The following RGS6 variants were observed in gnomAD, a reference collection of about 807,000 sequenced individuals.
RGS6 encodes the protein regulator of G protein signaling 6, also known as regulator of G-protein signaling 6.
A neutral mutation model predicts 78.5 loss-of-function variants in RGS6; 30 were observed. That is an observed-to-expected ratio of 0.38 (90% confidence interval 0.29 to 0.52). The LOEUF is 0.52. Ranked by LOEUF, RGS6 falls within the 20% of genes least tolerant of loss-of-function variation. RGS6 has a pLI of 0.85. For missense variants in RGS6, 495 were observed against 609.7 expected (o/e 0.81, Z 1.98); for synonymous variants, 206 against 206.0 (o/e 1.00, Z 0.00).
intron 2 of RGS6, among the ~76,000 whole-genome samples, chr14:72,030,656 C>T (rs1393553798): frequency 2.0e-5 from 3 of 152,202 alleles, no homozygotes; most frequent in East Asian, 3.9e-4. Context: ...GAATTATGTA[C>T]CATTATGTAA....
intron 2 of RGS6, among the ~76,000 whole-genome samples, chr14:72,350,071 C>A (rs1453636158): frequency 6.6e-6 from 1 of 152,210 alleles, no homozygotes; most frequent in Non-Finnish European, 1.5e-5. Context: ...CCAGCAGTAA[C>A]TGAGATGATT....
At chr14:72,530,316 G>C (rs1344430770) in intron 15 of RGS6, among the ~76,000 whole-genome samples, 2 of 152,220 alleles carry the variant, frequency 1.3e-5, no homozygotes, top group African/African-American at 4.8e-5. Context: ...CTGTCAGCCA[G>C]AAAGAAGTGA....
intron 2 of RGS6, among the ~76,000 whole-genome samples, chr14:72,113,404 A>G (rs1303893257): frequency 1.3e-5 from 2 of 152,130 alleles, no homozygotes; most frequent in Non-Finnish European, 2.9e-5. Flanking sequence ...TAGCTTTCAA[A>G]CTGTGGTGGG....
rs979853028 is a variant in RGS6, at chr14:72,468,268, A to G, written c.460-1739A>G. On this transcript the variant is annotated intron_variant, in intron 7 of 17. Transcript: ENST00000553525. ...GTGGCACACGCCTGTAGATCCAGCT[A>G]CTCAGGAGGCTGAGGCAGGAGAATC... Among the ~76,000 whole-genome samples, 6 of 152,084 alleles carry G rather than the reference A, an allele frequency of 3.9e-5. No homozygotes were observed. The South Asian group carries it at 1.0e-3, about 26-fold the overall frequency.
intron 2 of RGS6, among the ~76,000 whole-genome samples, chr14:72,273,050 A>G (rs1199427647): frequency 1.3e-5 from 2 of 150,910 alleles, no homozygotes; most frequent in Non-Finnish European, 2.9e-5. Context: ...TGGGAAGCTG[A>G]GGTTGCAGTG....
At chr14:72,189,437 A>G (rs2097294563) in intron 2 of RGS6, among the ~76,000 whole-genome samples, 1 of 152,214 alleles carries the variant, frequency 6.6e-6, no homozygotes, top group East Asian at 1.9e-4. Flanking sequence ...ATATAATTGC[A>G]TGTGTTGATA....
chr14:72,601,007 A>AG, the RGS6 span, among the ~76,000 whole-genome samples: 3 of 116,520 alleles, frequency 2.6e-5, no homozygotes, highest in South Asian at 3.1e-4. Flanking sequence ...AGGAGGGGGG[A>AG]GAGGAGGAGG....
intron 2 of RGS6, among the ~76,000 whole-genome samples, chr14:72,324,086 G>A (rs1386611798): frequency 6.6e-6 from 1 of 151,708 alleles, no homozygotes; most frequent in Non-Finnish European, 1.5e-5. Context: ...ATTACAAATT[G>A]TCACTGACTG....
At chr14:72,607,975 AG>A in the RGS6 span, among the ~76,000 whole-genome samples, 3 of 152,198 alleles carry the variant, frequency 2.0e-5, no homozygotes, top group African/African-American at 7.2e-5. Context: ...CACTTAGGGG[AG>A]GAATAAAAAG....
At chr14:72,457,548 C>T (rs572943817) in intron 4 of RGS6, among the ~76,000 whole-genome samples, 1 of 152,198 alleles carries the variant, frequency 6.6e-6, no homozygotes, top group Non-Finnish European at 1.5e-5. Flanking sequence ...ATCCGCCTGC[C>T]TCTGGATTAC....
chr14:72,244,084 C>G (rs924752148), intron 2 of RGS6, among the ~76,000 whole-genome samples: 1 of 152,074 alleles, frequency 6.6e-6, no homozygotes, highest in African/African-American at 2.4e-5. Flanking sequence ...GCTAAACATA[C>G]GGAGTCAACC....
chr14:72,112,783 T>C (rs2095797606), intron 2 of RGS6, among the ~76,000 whole-genome samples: 1 of 152,174 alleles, frequency 6.6e-6, no homozygotes, highest in African/African-American at 2.4e-5. Flanking sequence ...ATTGATGTGA[T>C]TCCAAAACCC....
At chr14:72,100,403 G>A (rs1469121519) in intron 2 of RGS6, among the ~76,000 whole-genome samples, 1 of 152,162 alleles carries the variant, frequency 6.6e-6, no homozygotes, top group Admixed American at 6.5e-5. Flanking sequence ...GCTGAGGCAG[G>A]AGAATCGCTT....
At chr14:72,461,610 T>C (rs2153234319) in intron 6 of RGS6, among the ~76,000 whole-genome samples, 1 of 152,180 alleles carries the variant, frequency 6.6e-6, no homozygotes, top group South Asian at 2.1e-4. Context: ...GAGGATCACT[T>C]GAGCCCAGGA....
intron 2 of RGS6, among the ~76,000 whole-genome samples, chr14:72,143,797 T>C (rs2096572329): frequency 6.6e-6 from 1 of 152,198 alleles, no homozygotes; most frequent in Admixed American, 6.5e-5. Context: ...GATTAGATAA[T>C]GAAATAAATT....
At chr14:72,355,342 C>T (rs573721501) in intron 3 of RGS6, among the ~76,000 whole-genome samples, 50 of 152,028 alleles carry the variant, frequency 3.3e-4, no homozygotes, top group East Asian at 1.4e-3. Context: ...TACAGGCATC[C>T]GCCACCACAC....
rs113771369 is a variant in RGS6 at position 72,360,243 on chromosome 14, C to T, written c.184+8049C>T. On this transcript the variant is annotated intron_variant, in intron 3 of 17. Coordinates refer to ENST00000553525, the MANE Select transcript of RGS6 (RefSeq NM_001204424.2). ...TCATAGAAAGAAGAAAGGAGGCAGC[C>T]GGGCACAGTGGCTCAGGCCTCTAAT... 5.3e-3 allele frequency among the ~76,000 whole-genome samples: 798 copies of T among 151,672 alleles called. 5 individuals carry two copies. The highest frequency in any genetic ancestry group is 0.018 in the African/African-American group (764 of 41,342).
chr14:72,447,812 C>T (rs1001604066), intron 3 of RGS6, among the ~76,000 whole-genome samples: 3 of 152,104 alleles, frequency 2.0e-5, no homozygotes, highest in East Asian at 1.9e-4. Context: ...AAGCAATTCT[C>T]CCTGCCTCAG....
intron 2 of RGS6, among the ~76,000 whole-genome samples, chr14:72,177,637 G>A (rs78296246): frequency 0.042 from 6,368 of 152,240 alleles, 173 homozygotes; most frequent in Middle Eastern, 0.1. Flanking sequence ...AGCACAATAC[G>A]AAATAATTGG....
Sources: gnomAD v4.1 joint callset for allele counts (sites outside exome capture counted in the v4.1 genomes callset) on GRCh38, gnomAD v4.1.1 for gene constraint, MANE v1.5 for transcripts, NCBI Gene and HGNC (gene_info 2026-07-23, HGNC 2026-07-21) for gene names.